The following RABGAP1L variants were observed in gnomAD, a reference collection of about 807,000 sequenced individuals.
The protein encoded by RABGAP1L is rab GTPase-activating protein 1-like.
RABGAP1L carries 63 observed loss-of-function variants against 137.7 expected under a neutral mutation model. The ratio of observed to expected loss-of-function variants is 0.46; its 90% CI spans 0.37 to 0.56. The LOEUF is 0.56. Ranked by LOEUF, RABGAP1L falls within the 20% of genes least tolerant of loss-of-function variation. The pLI, the probability that RABGAP1L is intolerant of heterozygous loss-of-function variation, is 0.00. For synonymous variants in RABGAP1L, 431 were observed against 433.7 expected (o/e 0.99, Z 0.08); for missense variants, 1,095 against 1,244.0 (o/e 0.88, Z 1.80).
rs117374899 is a variant in RABGAP1L, at chr1:174,299,853, G to A, written c.1324-5133G>A. 1.7e-4 allele frequency among the ~76,000 whole-genome samples: 26 copies of A among 152,272 alleles called. No individual in the cohort carries two copies. In the East Asian group the frequency reaches 5.0e-3, roughly 29 times the overall value. ...GTTACAGTCTCCAAAGTTATCAGAA[G>A]TCTGTGTTTGAGAGCGACTGTTAAA... On this transcript the variant is annotated intron_variant, in intron 10 of 25. Transcript: ENST00000681986.
At position 174,350,022 on chromosome 1, in the gene RABGAP1L, C is replaced by G. The variant is rs1682962627; in HGVS notation, c.1466-20957C>G. On this transcript the variant is annotated intron_variant, in intron 11 of 25. Transcript: ENST00000681986. ...GCCGGGCTGAGGGGCTCCTCACTTCCCAGTAGGGGCGGCCGGGCAGAGGCG... is the reference window on the plus strand; with the variant it reads ...GCCGGGCTGAGGGGCTCCTCACTTCGCAGTAGGGGCGGCCGGGCAGAGGCG... Among the ~76,000 whole-genome samples, 7 of 120,418 alleles carry G rather than the reference C, an allele frequency of 5.8e-5. No individual in the cohort carries two copies. In the South Asian group the frequency reaches 2.2e-3, roughly 38 times the overall value. The allele number at this position is 120,418 out of a possible 152,430, so 79.0% of individuals were successfully genotyped here.
chr1:174,686,992 A>C (rs1424578291), intron 15 of RABGAP1L, among the ~76,000 whole-genome samples: 2 of 151,798 alleles, frequency 1.3e-5, no homozygotes, highest in Non-Finnish European at 2.9e-5. Flanking sequence ...GTAGTTTAGC[A>C]TTTTTTACCT....
chr1:174,626,881 T>A (rs1235438302), intron 13 of RABGAP1L, among the ~76,000 whole-genome samples: 2 of 152,304 alleles, frequency 1.3e-5, no homozygotes, highest in African/African-American at 4.8e-5. Context: ...AGCAGACCAA[T>A]TTGTGATGTT....
chr1:174,380,127 A>G (rs1424665085), intron 12 of RABGAP1L, among the ~76,000 whole-genome samples: 4 of 151,516 alleles, frequency 2.6e-5, no homozygotes. Flanking sequence ...CTTGCATCCC[A>G]GGGTTGAAGC....
chr1:174,341,108 T>G (rs2148891889), intron 11 of RABGAP1L, among the ~76,000 whole-genome samples: 1 of 152,146 alleles, frequency 6.6e-6, no homozygotes, highest in South Asian at 2.1e-4. Context: ...TTTAGTGGGG[T>G]TTTGTTCTTG....
intron 16 of RABGAP1L, 49 bp from the exon 17 acceptor site, chr1:174,702,064 T>C: frequency 6.4e-7 from 1 of 1,565,888 alleles, no homozygotes; most frequent in Non-Finnish European, 8.7e-7. Context: ...ACTTCATTGT[T>C]CTGCTGCAAG....
chr1:174,350,450 A>G (rs1326190373), intron 11 of RABGAP1L, among the ~76,000 whole-genome samples: 10 of 97,062 alleles, frequency 1.0e-4, no homozygotes, highest in Admixed American at 2.9e-4. Flanking sequence ...CACATCCCAG[A>G]TGGGGCGGCG....
At position 174,542,959 on chromosome 1, in the gene RABGAP1L, C is replaced by T. The variant is rs965534176; in HGVS notation, c.1711-94416C>T. On this transcript the variant is annotated intron_variant, in intron 13 of 25. Coordinates refer to ENST00000681986, the MANE Select transcript of RABGAP1L (RefSeq NM_001366446.1). ...TTTGATTGCACTGTGGTCTGGGAGACAGTTTGTTATAATTTCTGTTCTTTA... is the reference window on the plus strand; with the variant it reads ...TTTGATTGCACTGTGGTCTGGGAGATAGTTTGTTATAATTTCTGTTCTTTA... Among the ~76,000 whole-genome samples the T allele has an allele frequency of 1.1e-4, 17 of 152,210 alleles. 1 individual carries two copies. In the South Asian group the frequency reaches 3.5e-3, roughly 32 times the overall value.
chr1:174,786,298 C>G (rs1168530724), intron 18 of RABGAP1L, among the ~76,000 whole-genome samples: 2 of 152,160 alleles, frequency 1.3e-5, no homozygotes, highest in Non-Finnish European at 2.9e-5. Context: ...GTTTAAAAAG[C>G]TTTGGGAACT....
intron 19 of RABGAP1L, among the ~76,000 whole-genome samples, chr1:174,814,519 G>C (rs1267816820): frequency 6.6e-6 from 1 of 152,088 alleles, no homozygotes; most frequent in African/African-American, 2.4e-5. Context: ...ATTGTGCTGG[G>C]ACTAGAATGT....
chr1:174,587,722 A>G (rs1669230138), intron 13 of RABGAP1L, among the ~76,000 whole-genome samples: 1 of 152,158 alleles, frequency 6.6e-6, no homozygotes, highest in Non-Finnish European at 1.5e-5. Flanking sequence ...TAGTAGGTAT[A>G]TATATTTATG....
At chr1:174,778,392 G>C (rs754022316) in intron 18 of RABGAP1L, among the ~76,000 whole-genome samples, 2 of 152,152 alleles carry the variant, frequency 1.3e-5, no homozygotes, top group African/African-American at 2.4e-5. Flanking sequence ...AAATGTTAAA[G>C]GAAGTCCTAA....
At chr1:174,767,638 T>C (rs1217056809) in intron 18 of RABGAP1L, among the ~76,000 whole-genome samples, 3 of 151,984 alleles carry the variant, frequency 2.0e-5, no homozygotes, top group African/African-American at 7.2e-5. Flanking sequence ...AACCAACTTA[T>C]CTATATTGAT....
intron 13 of RABGAP1L, among the ~76,000 whole-genome samples, chr1:174,580,305 C>T (rs1477494198): frequency 1.3e-5 from 2 of 152,160 alleles, no homozygotes; most frequent in African/African-American, 2.4e-5. Flanking sequence ...GATTATAAAT[C>T]GTGCTGTTAT....
intron 13 of RABGAP1L, among the ~76,000 whole-genome samples, chr1:174,443,656 T>C (rs543439460): frequency 1.4e-4 from 21 of 152,192 alleles, no homozygotes; most frequent in Middle Eastern, 3.4e-3. Context: ...TTGATTATTT[T>C]CTTTGCTGTG....
At chr1:174,250,222 T>C (rs1041664248) in intron 5 of RABGAP1L, among the ~76,000 whole-genome samples, 2 of 152,204 alleles carry the variant, frequency 1.3e-5, no homozygotes, top group Non-Finnish European at 2.9e-5. Context: ...TTTTAGGTTG[T>C]AATAATTTAG....
Position 174,347,211 on chromosome 1 carries a change from A to G in RABGAP1L, c.1466-23768A>G, listed in dbSNP as rs567973467. The stretch of plus-strand genomic sequence containing the variant: ...CTGTAGCCACTGGATCAAATGTTCT[A>G]CAAATGTCTGTTAGGTCTATTTGGA... On this transcript the variant is annotated intron_variant, in intron 11 of 25. Transcript: ENST00000681986. Among the ~76,000 whole-genome samples the G allele has an allele frequency of 2.0e-5, 3 of 152,264 alleles. No individual in the cohort carries two copies. In the South Asian group the frequency reaches 6.2e-4, roughly 32 times the overall value.
At chr1:174,266,080 A>C (rs1254485582) in intron 7 of RABGAP1L, among the ~76,000 whole-genome samples, 1 of 152,152 alleles carries the variant, frequency 6.6e-6, no homozygotes, top group African/African-American at 2.4e-5. Context: ...TGAAGTTACT[A>C]GAGTGAAATT....
intron 1 of RABGAP1L, among the ~76,000 whole-genome samples, chr1:174,177,608 T>G (rs996054970): frequency 6.6e-6 from 1 of 152,222 alleles, no homozygotes; most frequent in Non-Finnish European, 1.5e-5. Flanking sequence ...GTTATTATGA[T>G]TTTGGGTTTT....
Sources: allele counts gnomAD v4.1 joint callset (sites outside exome capture counted in the v4.1 genomes callset), GRCh38; gene constraint gnomAD v4.1.1; transcripts MANE v1.5; gene names NCBI Gene and HGNC (gene_info 2026-07-23, HGNC 2026-07-21).